TM2D3: variants seen among roughly 807,000 people sequenced by gnomAD.
TM2D3 encodes TM2 domain-containing protein 3.
Under a neutral mutation model 27.3 loss-of-function variants are expected in TM2D3, and 33 were observed. That is an observed-to-expected ratio of 1.21 (90% CI 0.92 to 1.61). The LOEUF is 1.61. Among genes scored for constraint, TM2D3 ranks in the 40% most tolerant of loss-of-function variants. TM2D3 has a pLI of 0.00. For synonymous variants in TM2D3, 138 were observed against 122.2 expected (o/e 1.13, Z -0.85); for missense variants, 364 against 320.8 (o/e 1.13, Z -1.03).
chr15:101,652,077 C>T, intron 1 of TM2D3, 194 bp downstream of exon 1: 1 of 569,836 alleles, frequency 1.8e-6, no homozygotes, highest in Non-Finnish European at 3.0e-6. Context: ...GGCTCGGTGT[C>T]GCCGGAGCGG....
rs1240059430 is a variant in TM2D3, at chr15:101,642,597, C to T, written c.626G>A (p.Trp209Ter). The change falls in exon 6 of 6, where the codon TGG becomes TAG. Residue 209 changes from tryptophan (W) to a stop codon, truncating the protein, a stop_gained. Coordinates refer to ENST00000333202, the MANE Select transcript of TM2D3 (RefSeq NM_078474.3). LOFTEE classifies it high-confidence loss of function. ...GAAGAGCTTGCCGAGGCCTTCCCGCCACTGGCCCAGGTAGAAACGGTCTGC... is the reference window on the plus strand; with the variant it reads ...GAAGAGCTTGCCGAGGCCTTCCCGCTACTGGCCCAGGTAGAAACGGTCTGC... ...FGADRFYLGQWREGLGKLFSF... is the reference protein window; with the variant it reads ...FGADRFYLGQ 1 of 1,613,448 alleles carries T rather than the reference C, an allele frequency of 6.2e-7. No individual in the cohort carries two copies. The highest frequency in any genetic ancestry group is 1.1e-5 in the South Asian group (1 of 90,942).
At chr15:101,638,485 CG>C (rs781381599), downstream of TM2D3, among the ~76,000 whole-genome samples, 1 of 151,756 alleles carries the variant, frequency 6.6e-6, no homozygotes, top group Non-Finnish European at 1.5e-5. Flanking sequence ...TTAGTAGAGA[CG>C]GGGGTTTCAC....
At chr15:101,644,737 GT>G (rs1237230980) in intron 5 of TM2D3, among the ~76,000 whole-genome samples, 2 of 152,020 alleles carry the variant, frequency 1.3e-5, no homozygotes, top group Non-Finnish European at 2.9e-5. Context: ...CATTTTTCCA[GT>G]TTTCAGTGTT....
At chr15:101,640,835 G>A (rs1440505084), downstream of TM2D3, among the ~76,000 whole-genome samples, 1 of 152,188 alleles carries the variant, frequency 6.6e-6, no homozygotes, top group Non-Finnish European at 1.5e-5. Context: ...TTGGGAACAA[G>A]TTCATTTATG....
At chr15:101,636,921 T>C (rs1200401821), downstream of TM2D3, 1 of 443,558 alleles carries the variant, frequency 2.3e-6, no homozygotes, top group Non-Finnish European at 4.5e-6. Context: ...ACAGTGTCGA[T>C]GAAGAGTCCA....
intron 4 of TM2D3, chr15:101,636,153 TTATG>T (rs972563154): frequency 6.6e-6 from 1 of 152,186 alleles, no homozygotes; most frequent in African/African-American, 2.4e-5. Flanking sequence ...TACATTTTGT[TTATG>T]TATTATTCAT....
At chr15:101,643,012 G>A (rs1482102322) in intron 5 of TM2D3, among the ~76,000 whole-genome samples, 1 of 151,928 alleles carries the variant, frequency 6.6e-6, no homozygotes, top group Non-Finnish European at 1.5e-5. Context: ...TGGACGACCT[G>A]GATCAAGTCA....
At chr15:101,644,594 G>A (rs774334710) in intron 5 of TM2D3, among the ~76,000 whole-genome samples, 2 of 152,194 alleles carry the variant, frequency 1.3e-5, no homozygotes, top group African/African-American at 4.8e-5. Context: ...CCTTTGGTGG[G>A]AAGAACTGCT....
chr15:101,651,290 A>C (rs1336058270), intron 2 of TM2D3: 1 of 162,914 alleles, frequency 6.1e-6, no homozygotes, highest in Non-Finnish European at 1.3e-5. Flanking sequence ...CTAGATTTCA[A>C]GTCTCCATCA....
At chr15:101,652,240 C>A in intron 1 of TM2D3, 31 bp downstream of exon 1, 1 of 1,588,752 alleles carries the variant, frequency 6.3e-7, no homozygotes. Flanking sequence ...CACTCAGCCC[C>A]ACCCGGCGCT....
chr15:101,645,430 G>C (rs1896779873), intron 4 of TM2D3: 1 of 417,178 alleles, frequency 2.4e-6, no homozygotes, highest in African/African-American at 2.1e-5. Flanking sequence ...ATAAGACAGT[G>C]TAGTCTTGAG....
Position 101,651,772 on chromosome 15 carries a change from C to T in TM2D3, c.93G>A (p.Glu31=). Residue 31 remains glutamate, a splice_region_variant and synonymous_variant, in exon 2 of 6, where the codon GAG becomes GAA. Coordinates refer to ENST00000333202, the MANE Select transcript of TM2D3 (RefSeq NM_078474.3). Reference sequence around the variant, plus strand: ...TTGACTGAGCCAGCGCCTGCGATTGCTCTAAATTTAAGGATCGTACAATTA... The same window carrying T: ...TTGACTGAGCCAGCGCCTGCGATTGTTCTAAATTTAAGGATCGTACAATTA... ...LSQFCILSGG[E]QSQALAQSIK... 1 of 1,614,010 alleles carries T rather than the reference C, an allele frequency of 6.2e-7. No individual in the cohort carries two copies. The highest frequency in any genetic ancestry group is 8.5e-7 in the Non-Finnish European group (1 of 1,179,922).
rs1477412081 is a variant in TM2D3, at chr15:101,646,976, C to G, written c.328-77G>C. 3 of 1,521,826 alleles carry G rather than the reference C, an allele frequency of 2.0e-6. No individual in the cohort carries two copies. In the African/African-American group the frequency reaches 4.1e-5, roughly 21 times the overall value. 94.3% of individuals were successfully genotyped at this position (1,521,826 alleles called of 1,614,324 possible). On this transcript the variant is annotated intron_variant, in intron 3 of 5. Transcript: ENST00000333202. ...AGATGTCAGTAAGACTACACAGTCA[C>G]ATGGCACAAAATTCCGTAAATGCTT...
At chr15:101,639,638 A>G (rs1021954131), downstream of TM2D3, among the ~76,000 whole-genome samples, 2 of 152,208 alleles carry the variant, frequency 1.3e-5, no homozygotes, top group African/African-American at 4.8e-5. Flanking sequence ...TACATTTTAA[A>G]ATCTTGAAGC....
intron 4 of TM2D3, 56 bp downstream of exon 4, chr15:101,646,669 T>G (rs1896818575): frequency 6.2e-7 from 1 of 1,604,798 alleles, no homozygotes. Context: ...TAAAGTCCCT[T>G]CAATAAACTT....
At chr15:101,650,271 G>A in intron 2 of TM2D3, 110 bp from the exon 3 acceptor site, 1 of 1,105,972 alleles carries the variant, frequency 9.0e-7, no homozygotes, top group Non-Finnish European at 1.3e-6. Context: ...CACTGCACTG[G>A]AAGGGAAGAA....
At chr15:101,634,653 T>G (rs1596257531) in intron 4 of TM2D3, 1 of 152,298 alleles carries the variant, frequency 6.6e-6, no homozygotes, top group East Asian at 1.9e-4. Context: ...TATTTTCAAG[T>G]GCACATGTAA....
At position 101,642,183 on chromosome 15, in the gene TM2D3, G is replaced by A. The variant is rs1596262246; in HGVS notation, c.*296C>T. On this transcript the variant is annotated 3_prime_UTR_variant, in exon 6 of 6. Transcript: ENST00000333202. The stretch of plus-strand genomic sequence containing the variant: ...AGATACAAGTGATGTAGTTTGACTT[G>A]GGCAATACAAAACAAAAGTCATAGG... 2 of 1,053,936 alleles carry A rather than the reference G, an allele frequency of 1.9e-6. No individual in the cohort carries two copies. Among genetic ancestry groups the A allele is most frequent in the East Asian group, 6.8e-5 (1 of 14,648 alleles). The allele number at this position is 1,053,936 out of a possible 1,614,324, so 65.3% of individuals were successfully genotyped here.
intron 4 of TM2D3, chr15:101,634,301 GT>G (rs1157094714): frequency 6.6e-6 from 1 of 152,366 alleles, no homozygotes; most frequent in Non-Finnish European, 1.5e-5. Flanking sequence ...AGGTGTGGTG[GT>G]GCATGCCTGT....
Sources: gnomAD v4.1 joint callset for allele counts (sites outside exome capture counted in the v4.1 genomes callset) on GRCh38, gnomAD v4.1.1 for gene constraint, MANE v1.5 for transcripts, NCBI Gene and HGNC (gene_info 2026-07-23, HGNC 2026-07-21) for gene names.